COBLL1: variants seen among roughly 807,000 people sequenced by gnomAD.
COBLL1 encodes cordon-bleu WH2 repeat protein like 1, also known as cordon-bleu protein-like 1.
A neutral mutation model predicts 94.8 loss-of-function variants in COBLL1; 50 were observed. The observed-to-expected ratio is 0.53, with a 90% CI of 0.42 to 0.67. The LOEUF (loss-of-function observed/expected upper bound fraction) is 0.67. Among genes scored for constraint, COBLL1 ranks in the 30% least tolerant of loss-of-function variants. The pLI is 0.00. For synonymous variants in COBLL1, 448 were observed against 473.8 expected (o/e 0.95, Z 0.71); for missense variants, 1,362 against 1,348.7 (o/e 1.01, Z -0.15).
At chr2:164,738,617 G>GAAA (rs1297233214) in intron 3 of COBLL1, among the ~76,000 whole-genome samples, 1 of 152,158 alleles carries the variant, frequency 6.6e-6, no homozygotes, top group Non-Finnish European at 1.5e-5. Context: ...TTTGACTGGT[G>GAAA]AAAAAGATGT....
chr2:164,810,894 TA>T (rs1684428041), intron 2 of COBLL1, among the ~76,000 whole-genome samples: 1 of 151,970 alleles, frequency 6.6e-6, no homozygotes. Flanking sequence ...AGAAATTGCT[TA>T]ACTTCAAGTG....
At chr2:164,791,444 C>T (rs1156630004) in intron 2 of COBLL1, among the ~76,000 whole-genome samples, 1 of 152,026 alleles carries the variant, frequency 6.6e-6, no homozygotes, top group African/African-American at 2.4e-5. Context: ...GACATGGAGA[C>T]AAAGCAAGGT....
chr2:164,710,796 C>T (rs7581168), intron 7 of COBLL1, among the ~76,000 whole-genome samples: 5,417 of 152,040 alleles, frequency 0.036, 315 homozygotes, highest in African/African-American at 0.12. Context: ...AACTCCTGAC[C>T]TTGTGATCCA....
At chr2:164,674,802 T>G (rs556361424) in intron 1 of COBLL1, among the ~76,000 whole-genome samples, 3 of 152,216 alleles carry the variant, frequency 2.0e-5, no homozygotes, top group Non-Finnish European at 4.4e-5. Context: ...TAAACATTCA[T>G]GCGTAATTTT....
intron 1 of COBLL1, among the ~76,000 whole-genome samples, chr2:164,673,499 A>G (rs1227377206): frequency 6.6e-6 from 1 of 151,970 alleles, no homozygotes; most frequent in African/African-American, 2.4e-5. Context: ...ACATGGTGAA[A>G]CCTCATCTCC....
intron 2 of COBLL1, among the ~76,000 whole-genome samples, chr2:164,758,692 T>A (rs933824934): frequency 6.6e-6 from 1 of 152,118 alleles, no homozygotes; most frequent in Non-Finnish European, 1.5e-5. Context: ...AACAAAAATA[T>A]GAGAAGAGAG....
intron 2 of COBLL1, among the ~76,000 whole-genome samples, chr2:164,663,816 C>T (rs1394559682): frequency 6.6e-6 from 1 of 152,070 alleles, no homozygotes; most frequent in Admixed American, 6.5e-5. Context: ...AGTGAGAAAG[C>T]AAGGACTAAA....
At position 164,841,491 on chromosome 2, in the gene COBLL1, G is replaced by C; in HGVS notation, c.-51+219C>G. 2 of 1,117,050 alleles carry C rather than the reference G, an allele frequency of 1.8e-6. No homozygotes were observed. Among genetic ancestry groups the C allele is most frequent in the Non-Finnish European group, 2.2e-6 (2 of 911,008 alleles). The allele number at this position is 1,117,050 out of a possible 1,614,324, so 69.2% of individuals were successfully genotyped here. A position where few individuals can be genotyped will look rare whatever the true frequency, so the allele number is the denominator to read the frequency against. ...GGCGCTGCAGCCCCCGCCCCGTGGG[G>C]TTTACTGGGTAGCCATTTGGCGCCT... On this transcript the variant is annotated intron_variant, in intron 1 of 13. Coordinates refer to ENST00000652658, the MANE Select transcript of COBLL1 (RefSeq NM_001365672.2). This position sits in a 1 kb window ranked among gnomAD's most constrained non-coding sequence, Gnocchi z 5.5.
downstream of COBLL1, among the ~76,000 whole-genome samples, chr2:164,677,697 C>T (rs1691361921): frequency 6.6e-6 from 1 of 152,212 alleles, no homozygotes; most frequent in South Asian, 2.1e-4. Flanking sequence ...TTGCCATGGT[C>T]TCTCATTGGC....
At chr2:164,778,175 T>C (rs1225675691) in intron 2 of COBLL1, among the ~76,000 whole-genome samples, 2 of 152,192 alleles carry the variant, frequency 1.3e-5, no homozygotes, top group African/African-American at 4.8e-5. Flanking sequence ...CAACATTTAC[T>C]GAGCCTTTGT....
Position 164,695,196 on chromosome 2 carries a change from A to G in COBLL1, c.2196T>C (p.Thr732=), listed in dbSNP as rs139267825. The G allele has an allele frequency of 8.7e-6, 14 of 1,613,844 alleles. No homozygotes were observed. In the African/African-American group the frequency reaches 1.9e-4, roughly 22 times the overall value. ...ATTTGGGAGGCACTATTTTATAAGT[A>G]GTCATGCCAATTTTGGGTATATACT... The part of the protein sequence containing the change: ...TREYIPKIGM[T]TYKIVPPKSL... Residue 732 remains threonine (T), a synonymous_variant, in exon 12 of 14, where the codon ACT becomes ACC. Transcript: ENST00000652658.
At chr2:164,792,103 T>C (rs367591989) in intron 2 of COBLL1, among the ~76,000 whole-genome samples, 1 of 151,824 alleles carries the variant, frequency 6.6e-6, no homozygotes, top group African/African-American at 2.4e-5. Context: ...TCTTTCTTTC[T>C]ATTCTTTATT....
chr2:164,761,321 T>A (rs1687671243), intron 2 of COBLL1: 1 of 152,184 alleles, frequency 6.6e-6, no homozygotes, highest in Admixed American at 6.6e-5. Context: ...GGCAGGAGAA[T>A]CACTTGAAGC....
At chr2:164,704,628 C>T in intron 8 of COBLL1, 110 bp from the exon 9 acceptor site, 1 of 878,028 alleles carries the variant, frequency 1.1e-6, no homozygotes, top group Non-Finnish European at 1.8e-6. Context: ...TTGCTAGAAG[C>T]CATTTTACTA....
chr2:164,799,375 C>A (rs117233057), intron 2 of COBLL1, among the ~76,000 whole-genome samples: 1 of 152,040 alleles, frequency 6.6e-6, no homozygotes, highest in East Asian at 1.9e-4. Context: ...GATCCCAAAA[C>A]GAAAATACTT....
At chr2:164,755,202 A>T (rs1195861022) in intron 2 of COBLL1, among the ~76,000 whole-genome samples, 1 of 152,112 alleles carries the variant, frequency 6.6e-6, no homozygotes, top group Non-Finnish European at 1.5e-5. Flanking sequence ...TGTTGTTTTT[A>T]AAGACACAGG....
At chr2:164,814,185 T>C (rs537089183) in intron 2 of COBLL1, among the ~76,000 whole-genome samples, 2 of 152,164 alleles carry the variant, frequency 1.3e-5, no homozygotes, top group Admixed American at 1.3e-4. Context: ...TCATTTCTCA[T>C]TGTCTCTTTG....
rs1683594941 is a variant in COBLL1, at chr2:164,841,260, G to A, written c.-50-14C>T. The A allele has an allele frequency of 3.3e-6, 4 of 1,224,088 alleles. No homozygotes were observed. Among genetic ancestry groups the A allele is most frequent in the South Asian group, 4.1e-5 (1 of 24,298 alleles). 75.8% of individuals were successfully genotyped at this position (1,224,088 alleles called of 1,614,324 possible). A position where few individuals can be genotyped will look rare whatever the true frequency, so the allele number is the denominator to read the frequency against. On this transcript the variant is annotated splice_polypyrimidine_tract_variant and intron_variant, in intron 1 of 13. Coordinates refer to ENST00000652658, the MANE Select transcript of COBLL1 (RefSeq NM_001365672.2). The surrounding 1 kb of genome is among the most constrained non-coding windows in gnomAD (Gnocchi z 5.5). ...GGCGCGTCACTGCTGGGGTGGGAGA[G>A]GCCGGCGGGTCAGGGCGGGACGCGC...
chr2:164,738,715 T>C (rs1343199003), intron 3 of COBLL1, among the ~76,000 whole-genome samples: 1 of 152,214 alleles, frequency 6.6e-6, no homozygotes, highest in Non-Finnish European at 1.5e-5. Context: ...GTGTTTTACA[T>C]TTCACATTTT....
Sources: allele counts gnomAD v4.1 joint callset (sites outside exome capture counted in the v4.1 genomes callset), GRCh38; gene constraint gnomAD v4.1.1; non-coding constraint Gnocchi (gnomAD v3.1); transcripts MANE v1.5; gene names NCBI Gene and HGNC (gene_info 2026-07-23, HGNC 2026-07-21).